The following AASS variants were observed in gnomAD, a reference collection of about 807,000 sequenced individuals.
The protein encoded by AASS is aminoadipate-semialdehyde synthase, also known as alpha-aminoadipic semialdehyde synthase, mitochondrial.
Under a neutral mutation model 105.4 loss-of-function variants are expected in AASS, and 86 were observed. The ratio of observed to expected loss-of-function variants is 0.82; its 90% CI spans 0.69 to 0.98. The LOEUF (loss-of-function observed/expected upper bound fraction) is 0.98. Ranked by LOEUF, AASS falls within the 50% of genes least tolerant of loss-of-function variation. The probability of loss-of-function intolerance (pLI) is 0.00; values close to 1 mark genes in which losing one functional copy is unlikely to be tolerated. For missense variants in AASS, 1,048 were observed against 1,143.2 expected, an observed-to-expected ratio of 0.92 and a Z score of 1.20; for synonymous variants, 381 against 394.8, an observed-to-expected ratio of 0.96 and a Z score of 0.41.
At chr7:122,132,336 A>ACATTCTTCTTTAGAAAGTT (rs1158139115) in intron 2 of AASS, among the ~76,000 whole-genome samples, 1 of 152,222 alleles carries the variant, frequency 6.6e-6, no homozygotes, top group Non-Finnish European at 1.5e-5. Flanking sequence ...CTAAAGAAGA[A>ACATTCTTCTTTAGAAAGTT]TGTCAGCAAA....
At chr7:122,123,398 C>T (rs545153184) in intron 4 of AASS, among the ~76,000 whole-genome samples, 4 of 152,294 alleles carry the variant, frequency 2.6e-5, no homozygotes, top group Non-Finnish European at 5.9e-5. Context: ...TCAAGGATCA[C>T]AAGTCTGTAC....
At chr7:122,114,963 A>C (rs1795098812) in intron 9 of AASS, 111 bp downstream of exon 9, 3 of 1,440,192 alleles carry the variant, frequency 2.1e-6, no homozygotes, top group Middle Eastern at 2.2e-4. Flanking sequence ...AAGAAAGATA[A>C]GGCAGAGAAG....
intron 23 of AASS, among the ~76,000 whole-genome samples, chr7:122,077,502 A>G (rs1388328132): frequency 6.6e-6 from 1 of 152,198 alleles, no homozygotes; most frequent in Non-Finnish European, 1.5e-5. Flanking sequence ...AGCTTCATGT[A>G]TTATATCAGT....
intron 1 of AASS, among the ~76,000 whole-genome samples, chr7:122,139,469 A>G (rs1426670657): frequency 6.6e-6 from 1 of 152,198 alleles, no homozygotes; most frequent in Non-Finnish European, 1.5e-5. Flanking sequence ...ATTACAAATG[A>G]GAATAGTGAG....
intron 11 of AASS, among the ~76,000 whole-genome samples, chr7:122,108,363 G>A (rs747629114): frequency 5.9e-5 from 9 of 151,862 alleles, no homozygotes; most frequent in Non-Finnish European, 8.8e-5. Flanking sequence ...AGACAAGGAC[G>A]TAACAAAAAA....
Position 122,079,696 on chromosome 7 carries a change from T to C in AASS, c.2297A>G (p.Asp766Gly), listed in dbSNP as rs142569610. ...AGAGGAGGGTGAAATCCCAACTAGG[T>C]CACAGAGGAGTTGTTTCTGGTTAGA... is the stretch of plus-strand genomic sequence containing the variant. Reference protein sequence around the residue: ...NPLTWKQLLCDLVGISPSSEH... With the variant: ...NPLTWKQLLCGLVGISPSSEH... Residue 766 changes from aspartate (D) to glycine (G), a missense_variant, in exon 21 of 24, where the codon GAC (aspartate) becomes GGC (glycine). By Grantham distance (94) the Asp-to-Gly change is moderately conservative. Coordinates refer to ENST00000417368, the MANE Select transcript of AASS (RefSeq NM_005763.4). The C allele has an allele frequency of 2.7e-5, 43 of 1,613,118 alleles. No homozygotes were observed. Among genetic ancestry groups the C allele is most frequent in the Non-Finnish European group, 3.6e-5 (43 of 1,179,284 alleles).
intron 7 of AASS, 34 bp from the exon 8 acceptor site, chr7:122,116,794 G>A: frequency 1.2e-6 from 2 of 1,613,472 alleles, no homozygotes; most frequent in Non-Finnish European, 1.7e-6. Context: ...TAAAGTGGGT[G>A]ACAAATAATA....
intron 11 of AASS, among the ~76,000 whole-genome samples, chr7:122,110,937 C>T (rs1345423295): frequency 6.6e-6 from 1 of 152,024 alleles, no homozygotes; most frequent in East Asian, 1.9e-4. Context: ...TATTTGAAAA[C>T]CAATTGACAC....
chr7:122,085,600 A>C (rs1284832901), intron 19 of AASS, among the ~76,000 whole-genome samples: 1 of 152,016 alleles, frequency 6.6e-6, no homozygotes, highest in African/African-American at 2.4e-5. Flanking sequence ...ATGAGACAAA[A>C]ATCGTATTTT....
intron 18 of AASS, among the ~76,000 whole-genome samples, chr7:122,090,300 C>G (rs1316108124): frequency 3.9e-5 from 6 of 152,108 alleles, no homozygotes; most frequent in Non-Finnish European, 8.8e-5. Context: ...ATCATTAAAT[C>G]AGTTGTTCTC....
intron 2 of AASS, among the ~76,000 whole-genome samples, chr7:122,130,966 G>A (rs1447971499): frequency 1.3e-5 from 2 of 149,306 alleles, no homozygotes; most frequent in South Asian, 2.1e-4. Context: ...GTATATAGTA[G>A]ACAGCCTTCT....
chr7:122,131,210 T>G (rs1026751427), intron 2 of AASS, among the ~76,000 whole-genome samples: 3 of 151,660 alleles, frequency 2.0e-5, no homozygotes, highest in African/African-American at 7.3e-5. Context: ...ACATTAAAAC[T>G]GAATAGAAAC....
At chr7:122,078,977 T>C (rs1401736573) in intron 21 of AASS, 27 bp from the exon 22 acceptor site, 3 of 1,613,884 alleles carry the variant, frequency 1.9e-6, no homozygotes, top group African/African-American at 1.3e-5. Flanking sequence ...ATGGCTGCAT[T>C]AGTTCAAGTC....
At chr7:122,111,141 A>G (rs1794911462) in intron 11 of AASS, among the ~76,000 whole-genome samples, 1 of 152,188 alleles carries the variant, frequency 6.6e-6, no homozygotes, top group African/African-American at 2.4e-5. Flanking sequence ...ATTGACCCAG[A>G]AAGTTGGAAG....
At chr7:122,082,784 T>A in intron 19 of AASS, 1 of 1,278,480 alleles carries the variant, frequency 7.8e-7, no homozygotes, top group Non-Finnish European at 1.0e-6. Context: ...GAAGGGGAAC[T>A]CACATAGATG....
At chr7:122,096,934 T>C (rs745559066) in intron 15 of AASS, among the ~76,000 whole-genome samples, 23 of 152,236 alleles carry the variant, frequency 1.5e-4, no homozygotes, top group Non-Finnish European at 2.1e-4. Context: ...GCAAAATAAA[T>C]TATTGTTCTA....
At chr7:122,079,032 T>A (rs1176854047) in intron 21 of AASS, 82 bp from the exon 22 acceptor site, 1 of 1,610,334 alleles carries the variant, frequency 6.2e-7, no homozygotes, top group Non-Finnish European at 8.5e-7. Flanking sequence ...CTCCTTGAAT[T>A]TAATCTTGAA....
intron 22 of AASS, 38 bp downstream of exon 22, chr7:122,078,824 C>G (rs1167701929): frequency 1.9e-6 from 3 of 1,569,606 alleles, no homozygotes; most frequent in Non-Finnish European, 2.6e-6. Context: ...TCTTATGATT[C>G]TTCTTTAGGT....
rs777954611 is a variant in AASS at position 122,098,589 on chromosome 7, T to C, written c.1529-13A>G. On this transcript the variant is annotated splice_polypyrimidine_tract_variant and intron_variant, in intron 14 of 23. Coordinates refer to ENST00000417368, the MANE Select transcript of AASS (RefSeq NM_005763.4). ...TTCATGTCAGATCCTATTTCAGTAA[T>C]TAAAAGTCACATTTTTAGATATGTC... The C allele has an allele frequency of 5.9e-5, 94 of 1,606,274 alleles. No homozygotes were observed. The highest frequency in any genetic ancestry group is 7.7e-5 in the Non-Finnish European group (91 of 1,174,806).
Sources: allele counts gnomAD v4.1 joint callset (sites outside exome capture counted in the v4.1 genomes callset), GRCh38; gene constraint gnomAD v4.1.1; transcripts MANE v1.5; gene names NCBI Gene and HGNC (gene_info 2026-07-23, HGNC 2026-07-21).